Variants in ABCA5 observed in about 807,000 individuals in gnomAD.
The protein encoded by ABCA5 is cholesterol transporter ABCA5.
Under a neutral mutation model 206.0 loss-of-function variants are expected in ABCA5, and 163 were observed. The ratio of observed to expected loss-of-function variants is 0.79; its 90% CI spans 0.70 to 0.90. ABCA5 has a LOEUF of 0.90. Ranked by LOEUF, ABCA5 falls within the 40% of genes least tolerant of loss-of-function variation. The pLI, the probability that ABCA5 is intolerant of heterozygous loss-of-function variation, is 0.00. For missense variants in ABCA5, 1,859 were observed against 1,912.9 expected (o/e 0.97, Z 0.53); for synonymous variants, 609 against 613.8 (o/e 0.99, Z 0.11).
chr17:69,284,102 T>C, intron 17 of ABCA5, 30 bp from the exon 18 acceptor site: 1 of 1,470,112 alleles, frequency 6.8e-7, no homozygotes, highest in Non-Finnish European at 9.1e-7. Flanking sequence ...GAATAGTATA[T>C]CTTTAAGCAT....
intron 12 of ABCA5, among the ~76,000 whole-genome samples, chr17:69,290,583 T>C (rs1236640948): frequency 6.6e-6 from 1 of 152,146 alleles, no homozygotes; most frequent in Non-Finnish European, 1.5e-5. Flanking sequence ...CAAAGAGTGA[T>C]ACAACTAAGG....
At chr17:69,262,569 CT>C (rs1437191999) in intron 24 of ABCA5, among the ~76,000 whole-genome samples, 1 of 152,130 alleles carries the variant, frequency 6.6e-6, no homozygotes, top group Non-Finnish European at 1.5e-5. Flanking sequence ...TAATTTCATT[CT>C]TTTTTATGGC....
chr17:69,325,636 T>C (rs1018569162), intron 1 of ABCA5: 6 of 152,206 alleles, frequency 3.9e-5, no homozygotes, highest in African/African-American at 1.4e-4. Flanking sequence ...GTAAAAGACA[T>C]GCAACAAACC....
rs573171564 is a variant in ABCA5 at position 69,290,873 on chromosome 17, T to A, written c.1606+343A>T. 3.3e-5 allele frequency among the ~76,000 whole-genome samples: 5 copies of A among 152,280 alleles called. No individual in the cohort carries two copies. In the East Asian group the frequency reaches 9.6e-4, roughly 29 times the overall value. ...GCTGAACTATTGCTGTATATTTAGA[T>A]ATTTGTGTTTATTTTCTCAACCTCA... On this transcript the variant is annotated intron_variant, in intron 12 of 38. Transcript: ENST00000392676.
At chr17:69,318,706 C>T in intron 1 of ABCA5, 1 of 525,456 alleles carries the variant, frequency 1.9e-6, no homozygotes, top group African/African-American at 1.9e-5. Flanking sequence ...CATTCCAAGG[C>T]ATCTGTGAAC....
At chr17:69,287,355 C>A (rs2075468602) in intron 15 of ABCA5, among the ~76,000 whole-genome samples, 1 of 152,068 alleles carries the variant, frequency 6.6e-6, no homozygotes, top group South Asian at 2.1e-4. Flanking sequence ...TATCCTTTTG[C>A]TGTAATAAAT....
intron 22 of ABCA5, chr17:69,268,886 A>G (rs1314763859): frequency 2.6e-5 from 4 of 152,154 alleles, no homozygotes; most frequent in African/African-American, 9.7e-5. Flanking sequence ...AGTCAATTCC[A>G]AAGTTCAGGT....
At chr17:69,324,906 T>A (rs1013585520) in intron 1 of ABCA5, among the ~76,000 whole-genome samples, 2 of 152,160 alleles carry the variant, frequency 1.3e-5, no homozygotes, top group Non-Finnish European at 2.9e-5. Context: ...GCTACATCAT[T>A]TGCTTCTCAA....
intron 1 of ABCA5, among the ~76,000 whole-genome samples, chr17:69,320,254 A>T (rs2075852222): frequency 6.6e-6 from 1 of 152,226 alleles, no homozygotes; most frequent in Admixed American, 6.5e-5. Flanking sequence ...AAAAACTGAT[A>T]GAAATAAAAA....
chr17:69,255,607 T>C lies in ABCA5; in HGVS notation c.4004A>G (p.Asn1335Ser). ...KGEILGLLGP[N>S]GAGKSTIINI... ...AATAATTGTGCTTTTGCCAGCACCA[T>C]TTGGACCCAATAGTCCTAAGATCTC... The change falls in exon 31 of 39, where the codon AAT becomes AGT. Residue 1335 changes from asparagine (N) to serine (S), a missense_variant. Coordinates refer to ENST00000392676, the MANE Select transcript of ABCA5 (RefSeq NM_172232.4). The C allele has an allele frequency of 1.3e-6, 2 of 1,582,630 alleles. No individual in the cohort carries two copies. The highest frequency in any genetic ancestry group is 1.7e-6 in the Non-Finnish European group (2 of 1,171,462).
Position 69,294,564 on chromosome 17 carries a change from T to C in ABCA5, c.1495+91A>G, listed in dbSNP as rs192425223. On this transcript the variant is annotated intron_variant, in intron 11 of 38. Coordinates refer to ENST00000392676, the MANE Select transcript of ABCA5 (RefSeq NM_172232.4). ...ATAAAAGCAAGACAGAAAATCATGG[T>C]AGAGAAGTTTAAATTTCCCACAAGC... The C allele has an allele frequency of 1.1e-3, 1,146 of 1,087,584 alleles. 8 individuals carry two copies. The Admixed American group carries it at 0.012, about 12-fold the overall frequency. The allele number at this position is 1,087,584 out of a possible 1,614,324, so 67.4% of individuals were successfully genotyped here.
At chr17:69,279,009 C>A (rs1305132614) in intron 18 of ABCA5, among the ~76,000 whole-genome samples, 1 of 149,458 alleles carries the variant, frequency 6.7e-6, no homozygotes, top group African/African-American at 2.5e-5. Context: ...CACTCCTATT[C>A]AACATAGTGT....
In ABCA5 at chr17:69,294,674, T is replaced by C. The variant is rs1267367958; in HGVS notation, c.1476A>G (p.Glu492=). Reference sequence around the variant, plus strand: ...ACTTACTTCTCAAAGCCTCCACATTTTCACCCTTCTTTCTGTATGTCTTCT... The same window carrying C: ...ACTTACTTCTCAAAGCCTCCACATTCTCACCCTTCTTTCTGTATGTCTTCT... The part of the protein sequence containing the change: ...GIQKTYRKKG[E]NVEALRNLSF... The change falls in exon 11 of 39, where the codon GAA becomes GAG. Residue 492 remains glutamate (E), a synonymous_variant. Coordinates refer to ENST00000392676, the MANE Select transcript of ABCA5 (RefSeq NM_172232.4). 6.2e-7 allele frequency: 1 copy of C among 1,607,460 alleles called. No homozygotes were observed. Among genetic ancestry groups the C allele is most frequent in the East Asian group, 2.2e-5 (1 of 44,752 alleles).
Position 69,304,896 on chromosome 17 carries a change from T to C in ABCA5, c.789-86A>G, listed in dbSNP as rs2075700994. ...CATTTTAAACAAAATTTTTAGATTT[T>C]AGCCATTTTATTCTTAAAATTAAGT... On this transcript the variant is annotated intron_variant, in intron 6 of 38. Transcript: ENST00000392676. 1.0e-5 allele frequency: 13 copies of C among 1,259,944 alleles called. No individual in the cohort carries two copies. The Admixed American group carries it at 1.4e-4, about 14-fold the overall frequency. 78.0% of individuals were successfully genotyped at this position (1,259,944 alleles called of 1,614,324 possible). A position where few individuals can be genotyped will look rare whatever the true frequency, so the allele number is the denominator to read the frequency against.
rs576302751 is a variant in ABCA5, at chr17:69,326,876, G to A, written c.-16+176C>T. On this transcript the variant is annotated intron_variant, in intron 1 of 38. Coordinates refer to ENST00000392676, the MANE Select transcript of ABCA5 (RefSeq NM_172232.4). The surrounding 1 kb of genome is among the most constrained non-coding windows in gnomAD (Gnocchi z 4.8). ...AGCTGAGGGAGGTCTGTTTCCCTCA[G>A]CTCGCCGCCTCTGCCCGCTTCCGAG... Among the ~76,000 whole-genome samples, 38 of 151,944 alleles carry A rather than the reference G, an allele frequency of 2.5e-4. No homozygotes were observed. The highest frequency in any genetic ancestry group is 5.2e-4 in the Non-Finnish European group (35 of 67,944).
intron 18 of ABCA5, 80 bp from the exon 19 acceptor site, chr17:69,277,922 A>C (rs2075351748): frequency 1.1e-5 from 12 of 1,098,186 alleles, no homozygotes; most frequent in Non-Finnish European, 1.3e-5. Flanking sequence ...ACATTTAAAG[A>C]AGCATTGGTC....
intron 5 of ABCA5, among the ~76,000 whole-genome samples, chr17:69,307,854 G>A (rs1413923094): frequency 6.6e-6 from 1 of 152,114 alleles, no homozygotes; most frequent in East Asian, 1.9e-4. Context: ...AGACAAGATG[G>A]TTGATATACA....
intron 25 of ABCA5, 38 bp downstream of exon 25, chr17:69,261,597 T>C (rs2075147898): frequency 2.2e-6 from 2 of 920,938 alleles, no homozygotes; most frequent in Non-Finnish European, 3.3e-6. Context: ...TTAATTAAAC[T>C]GCTATGGAAA....
At position 69,274,104 on chromosome 17, in the gene ABCA5, G is replaced by T. The variant is rs2144943063; in HGVS notation, c.2619C>A (p.Phe873Leu). Reference protein sequence around the residue: ...RSVLLLLLIFFTVQIFMFLVH... With the variant: ...RSVLLLLLIFLTVQIFMFLVH... ...CCAAAAACATAAAAATCTGAACTGT[G>T]AAAAAAATTAAAAGCAGAAGCAACC... The change falls in exon 20 of 39, where the codon TTC becomes TTA. Residue 873 changes from phenylalanine (F) to leucine (L), a missense_variant. Coordinates refer to ENST00000392676, the MANE Select transcript of ABCA5 (RefSeq NM_172232.4). The T allele has an allele frequency of 1.9e-6, 3 of 1,541,200 alleles. No homozygotes were observed. The highest frequency in any genetic ancestry group is 1.7e-6 in the Non-Finnish European group (2 of 1,149,918).
Sources: allele counts gnomAD v4.1 joint callset (sites outside exome capture counted in the v4.1 genomes callset), GRCh38; gene constraint gnomAD v4.1.1; non-coding constraint Gnocchi (gnomAD v3.1); transcripts MANE v1.5; gene names NCBI Gene and HGNC (gene_info 2026-07-23, HGNC 2026-07-21).